RSRC1: variants seen among roughly 807,000 people sequenced by gnomAD.
RSRC1 encodes the protein serine/Arginine-related protein 53.
In RSRC1, 39 loss-of-function variants were observed where a neutral mutation model predicts 49.1. The observed-to-expected ratio is 0.79, with a 90% CI of 0.61 to 1.04. The LOEUF (loss-of-function observed/expected upper bound fraction) is 1.04. Among genes scored for constraint, RSRC1 ranks in the 50% least tolerant of loss-of-function variants. The pLI is 0.00. For synonymous variants in RSRC1, 143 were observed against 130.8 expected, an observed-to-expected ratio of 1.09 and a Z score of -0.63; for missense variants, 388 against 402.4, an observed-to-expected ratio of 0.96 and a Z score of 0.31.
At chr3:158,424,847 ATTTTCTAGTTTAT>A (rs762742213) in intron 6 of RSRC1, among the ~76,000 whole-genome samples, 30 of 151,786 alleles carry the variant, frequency 2.0e-4, no homozygotes, top group Non-Finnish European at 4.0e-4. Flanking sequence ...TTTCTTCTAG[ATTTTCTAGTTTAT>A]TTGCGTAGAC....
intron 4 of RSRC1, among the ~76,000 whole-genome samples, chr3:158,246,390 A>C (rs1723894919): frequency 9.2e-6 from 1 of 109,222 alleles, no homozygotes; most frequent in South Asian, 2.7e-4. Context: ...TAAAACTTAA[A>C]GTATAATAAA....
chr3:158,523,984 C>T (rs1711857174), intron 7 of RSRC1, among the ~76,000 whole-genome samples: 1 of 152,088 alleles, frequency 6.6e-6, no homozygotes, highest in Non-Finnish European at 1.5e-5. Flanking sequence ...TTTGATTAGA[C>T]TGGACCACTT....
intron 5 of RSRC1, among the ~76,000 whole-genome samples, chr3:158,325,626 C>T (rs1729084666): frequency 6.6e-6 from 1 of 152,180 alleles, no homozygotes; most frequent in Admixed American, 6.5e-5. Context: ...GTTTTGGTTA[C>T]TGTAGCCTTG....
Position 158,544,148 on chromosome 3 carries a change from C to T in RSRC1, c.913-35C>T, listed in dbSNP as rs9839632. The stretch of plus-strand genomic sequence containing the variant: ...AGGTCAAATTCAAGTTATTGGGAGA[C>T]AGTAACATTTTTTCTTTTTCTTTTC... On this transcript the variant is annotated intron_variant, in intron 9 of 9. Coordinates refer to ENST00000611884, the MANE Select transcript of RSRC1 (RefSeq NM_001271838.2). 6.9e-3 allele frequency: 9,765 copies of T among 1,412,226 alleles called. 553 individuals are homozygous for T. In the African/African-American group the frequency reaches 0.12, roughly 18 times the overall value. The allele number at this position is 1,412,226 out of a possible 1,614,324, so 87.5% of individuals were successfully genotyped here.
chr3:158,493,240 T>C (rs748403693), intron 7 of RSRC1, among the ~76,000 whole-genome samples: 25 of 152,212 alleles, frequency 1.6e-4, no homozygotes, highest in Non-Finnish European at 2.9e-5. Flanking sequence ...TAAGCAGTTA[T>C]TGAGTAGCTT....
rs545524757 is a variant in RSRC1, at chr3:158,331,531, G to T, written c.532-23326G>T. Among the ~76,000 whole-genome samples the T allele has an allele frequency of 8.5e-4, 129 of 152,110 alleles. 1 individual carries two copies. The highest frequency in any genetic ancestry group is 1.4e-3 in the Non-Finnish European group (97 of 67,976). ...TGAATATTTTTATGTAGTCAAATCT[G>T]TTGGGTTTTTTTCTTTATGATTTCT... On this transcript the variant is annotated intron_variant, in intron 5 of 9. Transcript: ENST00000611884.
chr3:158,349,518 C>T (rs1730742756), intron 5 of RSRC1, among the ~76,000 whole-genome samples: 1 of 151,796 alleles, frequency 6.6e-6, no homozygotes, highest in South Asian at 2.1e-4. Flanking sequence ...CTAGTTTTAG[C>T]AATTTTAAGC....
chr3:158,380,524 T>G (rs190305163), intron 6 of RSRC1, among the ~76,000 whole-genome samples: 132 of 152,366 alleles, frequency 8.7e-4, no homozygotes, highest in Non-Finnish European at 1.6e-3. Context: ...TGTATAACAG[T>G]TCCCGGTTTA....
intron 3 of RSRC1, among the ~76,000 whole-genome samples, chr3:158,192,510 T>C (rs1292195058): frequency 6.6e-6 from 1 of 152,018 alleles, no homozygotes; most frequent in African/African-American, 2.4e-5. Flanking sequence ...GTGGGAGAAG[T>C]AGAAGATTGG....
intron 6 of RSRC1, among the ~76,000 whole-genome samples, chr3:158,446,269 T>C (rs910159715): frequency 1.5e-5 from 2 of 131,112 alleles, no homozygotes; most frequent in Admixed American, 1.6e-4. Context: ...TTTTATTTTC[T>C]GATGTTGTTG....
chr3:158,173,999 A>G (rs141185393), intron 3 of RSRC1, among the ~76,000 whole-genome samples: 76 of 152,040 alleles, frequency 5.0e-4, no homozygotes, highest in African/African-American at 1.7e-3. Context: ...CTCTGGGTGA[A>G]GAAAATGCTC....
chr3:158,415,495 T>C (rs1734694015), intron 6 of RSRC1, among the ~76,000 whole-genome samples: 1 of 152,008 alleles, frequency 6.6e-6, no homozygotes, highest in African/African-American at 2.4e-5. Context: ...AGTGACTTAA[T>C]TACTCAAATT....
At chr3:158,110,439 G>A (rs1714298487) in intron 1 of RSRC1, 1 of 152,584 alleles carries the variant, frequency 6.6e-6, no homozygotes, top group African/African-American at 2.4e-5. Context: ...GTGGCTGTAG[G>A]GTGGGTGGGT....
intron 1 of RSRC1, among the ~76,000 whole-genome samples, chr3:158,111,327 T>A (rs1348830975): frequency 6.6e-6 from 1 of 152,242 alleles, no homozygotes; most frequent in East Asian, 1.9e-4. Flanking sequence ...GCTAAAAATG[T>A]CAGAATCTGA....
chr3:158,177,739 C>T (rs545467506), intron 3 of RSRC1, among the ~76,000 whole-genome samples: 1 of 152,174 alleles, frequency 6.6e-6, no homozygotes, highest in African/African-American at 2.4e-5. Flanking sequence ...ACATGTATGC[C>T]TGTGTAACAA....
At chr3:158,509,791 G>C (rs544232134) in intron 7 of RSRC1, among the ~76,000 whole-genome samples, 1 of 152,120 alleles carries the variant, frequency 6.6e-6, no homozygotes, top group East Asian at 1.9e-4. Context: ...TTTCACTGTT[G>C]TATAATATTC....
In RSRC1 at chr3:158,272,882, C is replaced by T. The variant is rs190882767; in HGVS notation, c.495-25157C>T. On this transcript the variant is annotated intron_variant, in intron 4 of 9. Transcript: ENST00000611884. ...CATTTATTTTATTATCCTTTCCTCC[C>T]TCTCCTCATCCAACTGTTATAAATG... Among the ~76,000 whole-genome samples the T allele has an allele frequency of 2.4e-3, 368 of 152,044 alleles. 3 individuals are homozygous for T. Among genetic ancestry groups the T allele is most frequent in the African/African-American group, 8.4e-3 (348 of 41,514 alleles).
At chr3:158,288,889 G>A (rs1256505501) in intron 4 of RSRC1, among the ~76,000 whole-genome samples, 1 of 125,008 alleles carries the variant, frequency 8.0e-6, no homozygotes, top group East Asian at 2.3e-4. Context: ...TCATTGTTGT[G>A]GATTCACAGA....
intron 7 of RSRC1, 108 bp downstream of exon 7, chr3:158,461,111 A>G (rs1737587549): frequency 1.5e-6 from 1 of 652,550 alleles, no homozygotes; most frequent in Non-Finnish European, 2.5e-6. Flanking sequence ...ATGCTGTTTC[A>G]TGAACCAAAA....
Sources: allele counts gnomAD v4.1 joint callset (sites outside exome capture counted in the v4.1 genomes callset), GRCh38; gene constraint gnomAD v4.1.1; transcripts MANE v1.5; gene names NCBI Gene and HGNC (gene_info 2026-07-23, HGNC 2026-07-21).